The following ZFHX3 variants were observed in gnomAD, a reference collection of about 807,000 sequenced individuals.
The protein encoded by ZFHX3 is zinc finger homeobox protein 3.
ZFHX3 carries 42 observed loss-of-function variants against 279.1 expected under a neutral mutation model. The observed-to-expected ratio is 0.15, with a 90% confidence interval of 0.12 to 0.19. ZFHX3 has a LOEUF of 0.19. Ranked by LOEUF, ZFHX3 falls within the 10% of genes least tolerant of loss-of-function variation. The probability of loss-of-function intolerance (pLI) is 1.00; values close to 1 mark genes in which losing one functional copy is unlikely to be tolerated. For synonymous variants in ZFHX3, 2,293 were observed against 1,957.8 expected, an observed-to-expected ratio of 1.17 and a Z score of -4.52; for missense variants, 4,981 against 4,754.0, an observed-to-expected ratio of 1.05 and a Z score of -1.40.
chr16:73,018,073 T>C (rs1964168113), intron 1 of ZFHX3, among the ~76,000 whole-genome samples: 1 of 151,466 alleles, frequency 6.6e-6, no homozygotes, highest in Non-Finnish European at 1.5e-5. Flanking sequence ...GCAGCCTCAA[T>C]TTCCCAGGCT....
intron 2 of ZFHX3, among the ~76,000 whole-genome samples, chr16:73,566,140 AG>A (rs1192947929): frequency 2.6e-5 from 4 of 152,182 alleles, no homozygotes; most frequent in Non-Finnish European, 4.4e-5. Flanking sequence ...ATAGGGCTGA[AG>A]GTCTGTCTCC....
At chr16:73,594,006 T>G (rs918028369) in intron 2 of ZFHX3, among the ~76,000 whole-genome samples, 1 of 152,152 alleles carries the variant, frequency 6.6e-6, no homozygotes, top group South Asian at 2.1e-4. Context: ...CTCTTGTTAC[T>G]CCTATTCAAC....
chr16:73,376,252 G>A (rs866733126), intron 3 of ZFHX3, among the ~76,000 whole-genome samples: 14 of 152,124 alleles, frequency 9.2e-5, no homozygotes, highest in African/African-American at 3.4e-4. Context: ...CTAAACTGTT[G>A]CTGGATCATA....
chr16:72,968,617 C>G (rs368403346), intron 1 of ZFHX3, among the ~76,000 whole-genome samples: 1 of 152,002 alleles, frequency 6.6e-6, no homozygotes, highest in Non-Finnish European at 1.5e-5. Context: ...CCCACCACCA[C>G]GCCTGGCTAA....
intron 1 of ZFHX3, among the ~76,000 whole-genome samples, chr16:73,732,584 A>G (rs2053577942): frequency 6.6e-6 from 1 of 152,254 alleles, no homozygotes; most frequent in Non-Finnish European, 1.5e-5. Context: ...TGGATCTAAT[A>G]GACCTGTACT....
intron 2 of ZFHX3, among the ~76,000 whole-genome samples, chr16:73,515,697 T>C (rs2019508867): frequency 6.6e-6 from 1 of 152,210 alleles, no homozygotes; most frequent in South Asian, 2.1e-4. Flanking sequence ...AATAATTCCT[T>C]GAAATGATTT....
At chr16:73,745,110 T>C (rs1191707196) in intron 1 of ZFHX3, among the ~76,000 whole-genome samples, 2 of 152,196 alleles carry the variant, frequency 1.3e-5, no homozygotes, top group African/African-American at 2.4e-5. Context: ...TCCATACCAC[T>C]TTTCTTTATA....
At chr16:73,050,674 C>T (rs1025081563), upstream of ZFHX3, among the ~76,000 whole-genome samples, 7 of 152,182 alleles carry the variant, frequency 4.6e-5, no homozygotes, top group South Asian at 2.1e-4. Context: ...CCTGGCTCTT[C>T]GGAGGGCAGC....
Position 72,795,407 on chromosome 16 carries a change from T to G in ZFHX3, c.7275A>C (p.Ala2425=). ...CCGCCAGCTTTGGTTTCTCATCGCC[T>G]GCCTCTGTTTTTGAATTGAAGGTGG... ...ELATFNSKTE[A]GDEKPKLAEA... Residue 2425 remains alanine (A), a synonymous_variant, in exon 9 of 10, where the codon GCA becomes GCC. Transcript: ENST00000268489. 1 of 1,614,158 alleles carries G rather than the reference T, an allele frequency of 6.2e-7. No individual in the cohort carries two copies. Among genetic ancestry groups the G allele is most frequent in the Non-Finnish European group, 8.5e-7 (1 of 1,180,034 alleles).
intron 5 of ZFHX3, among the ~76,000 whole-genome samples, chr16:73,156,386 A>T (rs1202176481): frequency 6.6e-6 from 1 of 152,178 alleles, no homozygotes; most frequent in South Asian, 2.1e-4. Flanking sequence ...TTTTTAAAAA[A>T]GATGATCATT....
intron 2 of ZFHX3, among the ~76,000 whole-genome samples, chr16:73,473,586 T>C (rs2018713927): frequency 6.6e-6 from 1 of 152,180 alleles, no homozygotes; most frequent in Non-Finnish European, 1.5e-5. Context: ...TGCCACCCAC[T>C]GACTTATTCC....
chr16:73,328,338 T>C (rs2015733733), intron 3 of ZFHX3, among the ~76,000 whole-genome samples: 1 of 152,282 alleles, frequency 6.6e-6, no homozygotes, highest in South Asian at 2.1e-4. Flanking sequence ...TATCAGGAAA[T>C]AGTATTCCCT....
intron 3 of ZFHX3, among the ~76,000 whole-genome samples, chr16:73,335,026 C>T (rs983675194): frequency 7.2e-5 from 11 of 151,856 alleles, no homozygotes; most frequent in Non-Finnish European, 1.3e-4. Flanking sequence ...ATTCAATTAG[C>T]AAATGTAGAA....
intron 6 of ZFHX3, chr16:73,131,139 A>G (rs56203505): frequency 0.19 from 90,851 of 475,646 alleles, 9,410 homozygotes; most frequent in South Asian, 0.27. Context: ...TAGGGTTGAC[A>G]TGAGAATTCA....
intron 4 of ZFHX3, among the ~76,000 whole-genome samples, chr16:73,270,081 G>A (rs73603338): frequency 0.027 from 4,179 of 152,128 alleles, 202 homozygotes; most frequent in African/African-American, 0.095. Flanking sequence ...ATTGCTATCA[G>A]CAACATATGC....
Position 73,330,590 on chromosome 16 carries a change from C to CT in ZFHX3, c.-1290-12255dup, listed in dbSNP as rs201861147. On this transcript the variant is annotated intron_variant, in intron 3 of 17. Transcript: ENST00000641206. ...TTAAGACACAGATGGCCTGGCTGAA[C>CT]TTTGAAGTGGGCTTGAGCAAGAAAA... Among the ~76,000 whole-genome samples, 1,252 of 152,196 alleles carry CT rather than the reference C, an allele frequency of 8.2e-3. 16 individuals carry two copies. The highest frequency in any genetic ancestry group is 0.029 in the African/African-American group (1,196 of 41,532).
rs563227456 is a variant in ZFHX3, at chr16:73,466,022, G to T, written c.-1546-9764C>A. Among the ~76,000 whole-genome samples the T allele has an allele frequency of 2.0e-5, 3 of 150,200 alleles. No homozygotes were observed. In the East Asian group the frequency reaches 6.0e-4, roughly 30 times the overall value. The stretch of plus-strand genomic sequence containing the variant: ...ACAAAGAAAATGTGGTAAAACACAA[G>T]AATGTCGGTGAACCCTTGGGGTCTG... On this transcript the variant is annotated intron_variant, in intron 2 of 17. Transcript: ENST00000641206.
At chr16:73,380,985 C>T (rs2016809946) in intron 3 of ZFHX3, among the ~76,000 whole-genome samples, 1 of 152,190 alleles carries the variant, frequency 6.6e-6, no homozygotes, top group Non-Finnish European at 1.5e-5. Flanking sequence ...CTCGCATTTA[C>T]TATTCCTATC....
At chr16:73,733,741 A>G (rs918389094) in intron 1 of ZFHX3, among the ~76,000 whole-genome samples, 7 of 152,202 alleles carry the variant, frequency 4.6e-5, no homozygotes, top group Non-Finnish European at 7.3e-5. Context: ...TAAGTCCTCA[A>G]CAAATGAATA....
Sources: allele counts gnomAD v4.1 joint callset (sites outside exome capture counted in the v4.1 genomes callset), GRCh38; gene constraint gnomAD v4.1.1; transcripts MANE v1.5; gene names NCBI Gene and HGNC (gene_info 2026-07-23, HGNC 2026-07-21).